The following EPHA6 variants were observed in gnomAD, a reference collection of about 807,000 sequenced individuals.
EPHA6 encodes the protein ephrin type-A receptor 6.
Under a neutral mutation model 112.0 loss-of-function variants are expected in EPHA6, and 50 were observed. The ratio of observed to expected loss-of-function variants is 0.45; its 90% CI spans 0.36 to 0.56. EPHA6 has a LOEUF of 0.56. EPHA6 is among the 20% of genes least tolerant of loss of function. The pLI is 0.00. For synonymous variants in EPHA6, 529 were observed against 490.7 expected (o/e 1.08, Z -1.03); for missense variants, 1,280 against 1,417.4 (o/e 0.90, Z 1.56).
At chr3:97,587,314 G>T (rs969849795) in intron 11 of EPHA6, among the ~76,000 whole-genome samples, 1 of 151,454 alleles carries the variant, frequency 6.6e-6, no homozygotes, top group African/African-American at 2.4e-5. Flanking sequence ...TATTGTTCAT[G>T]TTCCTATCAT....
At chr3:97,623,017 A>G (rs1303104836) in intron 13 of EPHA6, among the ~76,000 whole-genome samples, 1 of 151,750 alleles carries the variant, frequency 6.6e-6, no homozygotes, top group African/African-American at 2.4e-5. Context: ...CTTAGGAGAT[A>G]TATGATTTAC....
intron 3 of EPHA6, among the ~76,000 whole-genome samples, chr3:96,994,850 A>G (rs748513651): frequency 1.1e-4 from 16 of 150,912 alleles, no homozygotes; most frequent in Non-Finnish European, 2.2e-4. Flanking sequence ...CTACAGGCTT[A>G]AAGAAGGTAT....
chr3:97,066,212 A>G (rs1256142530), intron 3 of EPHA6, among the ~76,000 whole-genome samples: 2 of 152,022 alleles, frequency 1.3e-5, no homozygotes, highest in African/African-American at 4.8e-5. Flanking sequence ...TTCTTCTACC[A>G]TAGGCCTGAT....
chr3:97,551,123 T>C (rs970835775), intron 11 of EPHA6, among the ~76,000 whole-genome samples: 27 of 152,322 alleles, frequency 1.8e-4, no homozygotes, highest in Middle Eastern at 3.4e-3. Context: ...TAACTCTCTA[T>C]ATTATAATTA....
chr3:96,854,780 G>C (rs1004756475), intron 1 of EPHA6, among the ~76,000 whole-genome samples: 3 of 152,150 alleles, frequency 2.0e-5, no homozygotes, highest in African/African-American at 4.8e-5. Flanking sequence ...AAAGGAACAA[G>C]ATGAAGAGAC....
At chr3:96,973,731 C>G (rs1010723595) in intron 2 of EPHA6, among the ~76,000 whole-genome samples, 1 of 148,830 alleles carries the variant, frequency 6.7e-6, no homozygotes, top group African/African-American at 2.5e-5. Context: ...GAGGCTGAGG[C>G]AGGGAAATTG....
At chr3:96,942,541 A>G (rs1369495776) in intron 2 of EPHA6, among the ~76,000 whole-genome samples, 3 of 152,090 alleles carry the variant, frequency 2.0e-5, no homozygotes, top group East Asian at 3.9e-4. Flanking sequence ...AGGAAAGGGA[A>G]CTCCCTGACT....
chr3:97,034,177 A>G (rs764659312), intron 3 of EPHA6, among the ~76,000 whole-genome samples: 7 of 151,934 alleles, frequency 4.6e-5, no homozygotes, highest in Non-Finnish European at 7.4e-5. Context: ...TCTTTACTCA[A>G]CTGACATAAT....
intron 12 of EPHA6, among the ~76,000 whole-genome samples, chr3:97,602,440 T>C (rs2093650597): frequency 6.6e-6 from 1 of 151,996 alleles, no homozygotes; most frequent in South Asian, 2.1e-4. Context: ...CACAGAGATT[T>C]GGGGTAATGC....
intron 16 of EPHA6, among the ~76,000 whole-genome samples, chr3:97,744,677 A>G (rs1459013824): frequency 6.6e-6 from 1 of 151,992 alleles, no homozygotes; most frequent in African/African-American, 2.4e-5. Flanking sequence ...CATTTAACAT[A>G]CAGAATGTCC....
At chr3:96,823,014 A>G (rs116197354) in intron 1 of EPHA6, among the ~76,000 whole-genome samples, 4,770 of 151,812 alleles carry the variant, frequency 0.031, 92 homozygotes, top group Non-Finnish European at 0.051. Flanking sequence ...AAAAAGTTTC[A>G]TTAATATATA....
chr3:96,900,399 A>C (rs2038536846), intron 2 of EPHA6, among the ~76,000 whole-genome samples: 1 of 152,226 alleles, frequency 6.6e-6, no homozygotes, highest in South Asian at 2.1e-4. Flanking sequence ...TCTTTAATTT[A>C]AAATTCACAT....
Position 97,050,684 on chromosome 3 carries a change from A to G in EPHA6, c.1114+62691A>G, listed in dbSNP as rs373735515. Among the ~76,000 whole-genome samples, 133 of 152,266 alleles carry G rather than the reference A, an allele frequency of 8.7e-4. 5 individuals carry two copies. In the South Asian group the frequency reaches 0.027, roughly 31 times the overall value. On this transcript the variant is annotated intron_variant, in intron 3 of 17. Coordinates refer to ENST00000389672, the MANE Select transcript of EPHA6 (RefSeq NM_001080448.3). The stretch of plus-strand genomic sequence containing the variant: ...AAATACGTGACTGGGAGACTTCTGT[A>G]TCTTATATTGAGCACAAAGATTGCT...
chr3:97,066,352 A>C (rs1386888753), intron 3 of EPHA6, among the ~76,000 whole-genome samples: 2 of 152,166 alleles, frequency 1.3e-5, no homozygotes, highest in Non-Finnish European at 2.9e-5. Flanking sequence ...AAATTTCTCT[A>C]ATAAATACTA....
intron 5 of EPHA6, among the ~76,000 whole-genome samples, chr3:97,376,451 AAAC>A (rs2085363092): frequency 6.6e-6 from 1 of 152,228 alleles, no homozygotes; most frequent in South Asian, 2.1e-4. Context: ...AAAACAAAAA[AAAC>A]AACATGCACA....
At chr3:97,662,781 G>T (rs1054658513) in intron 14 of EPHA6, among the ~76,000 whole-genome samples, 1 of 152,156 alleles carries the variant, frequency 6.6e-6, no homozygotes, top group Non-Finnish European at 1.5e-5. Flanking sequence ...AATAAAGTAC[G>T]CTGTATCCAA....
intron 3 of EPHA6, among the ~76,000 whole-genome samples, chr3:97,008,519 A>G (rs1358675170): frequency 2.0e-5 from 3 of 152,154 alleles, no homozygotes; most frequent in African/African-American, 7.2e-5. Context: ...CTAACCTTTT[A>G]TCAAGGTTCT....
intron 2 of EPHA6, among the ~76,000 whole-genome samples, chr3:96,911,658 T>A (rs1198051760): frequency 1.3e-5 from 2 of 152,090 alleles, no homozygotes; most frequent in East Asian, 1.9e-4. Flanking sequence ...TTATTACTTA[T>A]AACTTTCGAT....
At chr3:96,883,333 T>C (rs753187921) in intron 2 of EPHA6, among the ~76,000 whole-genome samples, 1 of 152,194 alleles carries the variant, frequency 6.6e-6, no homozygotes, top group East Asian at 1.9e-4. Flanking sequence ...TTGTTAGATG[T>C]ATAGATTGTG....
Sources: gnomAD v4.1 joint callset for allele counts (sites outside exome capture counted in the v4.1 genomes callset) on GRCh38, gnomAD v4.1.1 for gene constraint, MANE v1.5 for transcripts, NCBI Gene and HGNC (gene_info 2026-07-23, HGNC 2026-07-21) for gene names.